The following GRAMD1C variants were observed in gnomAD, a reference collection of about 807,000 sequenced individuals.
The protein encoded by GRAMD1C is GRAM domain containing 1C, also known as protein Aster-C.
In GRAMD1C, 89 loss-of-function variants were observed where a neutral mutation model predicts 97.8. That is an observed-to-expected ratio of 0.91 (90% confidence interval 0.77 to 1.09). The LOEUF (loss-of-function observed/expected upper bound fraction) is 1.09, where lower values mean the gene tolerates loss of function less well. GRAMD1C is among the 50% of genes least tolerant of loss of function. GRAMD1C has a pLI of 0.00. For missense variants in GRAMD1C, 740 were observed against 766.4 expected, an observed-to-expected ratio of 0.97 and a Z score of 0.41; for synonymous variants, 256 against 267.0, an observed-to-expected ratio of 0.96 and a Z score of 0.40.
intron 3 of GRAMD1C, among the ~76,000 whole-genome samples, chr3:113,870,974 G>GAC (rs550859238): frequency 0.033 from 2,509 of 76,118 alleles, 34 homozygotes; most frequent in African/African-American, 0.035. Context: ...ATAAATAAAA[G>GAC]ACACACACAC....
chr3:113,907,537 G>A (rs994468636), intron 8 of GRAMD1C, among the ~76,000 whole-genome samples: 12 of 152,006 alleles, frequency 7.9e-5, no homozygotes, highest in African/African-American at 2.7e-4. Context: ...GCATTCAAGA[G>A]CCATATGATG....
chr3:113,854,005 G>A lies in GRAMD1C; in HGVS notation c.174+9356G>A, dbSNP rs148558656. ...AATAGCCTGCTGAAGGGATTGATGT[G>A]GTGAGTGAGGGAACAAGAAAGATCA... On this transcript the variant is annotated intron_variant, in intron 2 of 17. Coordinates refer to ENST00000358160, the MANE Select transcript of GRAMD1C (RefSeq NM_017577.5). Among the ~76,000 whole-genome samples the A allele has an allele frequency of 1.1e-3, 161 of 152,226 alleles. 2 individuals are homozygous for A. Among genetic ancestry groups the A allele is most frequent in the African/African-American group, 3.7e-3 (155 of 41,522 alleles).
chr3:113,878,397 C>T (rs1935130599), intron 5 of GRAMD1C, among the ~76,000 whole-genome samples: 1 of 152,030 alleles, frequency 6.6e-6, no homozygotes, highest in Non-Finnish European at 1.5e-5. Flanking sequence ...GTCCTAGTTT[C>T]TTTTAGGGGA....
chr3:113,927,409 C>T (rs776147097), intron 10 of GRAMD1C, among the ~76,000 whole-genome samples: 1 of 152,104 alleles, frequency 6.6e-6, no homozygotes, highest in Non-Finnish European at 1.5e-5. Context: ...ATATGCTTGC[C>T]AGGTCAACCC....
intron 13 of GRAMD1C, among the ~76,000 whole-genome samples, chr3:113,935,339 C>T (rs1401871545): frequency 6.6e-6 from 1 of 152,022 alleles, no homozygotes; most frequent in Non-Finnish European, 1.5e-5. Context: ...CCTTCCTTGT[C>T]AGATGCAGCT....
At chr3:113,855,832 G>C (rs1279895671) in intron 2 of GRAMD1C, among the ~76,000 whole-genome samples, 1 of 152,054 alleles carries the variant, frequency 6.6e-6, no homozygotes, top group Non-Finnish European at 1.5e-5. Context: ...AAAATGGTGT[G>C]GTGTATTGAC....
intron 2 of GRAMD1C, 73 bp downstream of exon 2, chr3:113,844,722 G>A: frequency 9.4e-7 from 1 of 1,064,064 alleles, no homozygotes; most frequent in South Asian, 1.6e-5. Context: ...GAGTCATATA[G>A]TATTTGTAAA....
At chr3:113,901,417 A>T (rs528530217) in intron 7 of GRAMD1C, among the ~76,000 whole-genome samples, 2 of 152,318 alleles carry the variant, frequency 1.3e-5, no homozygotes, top group Admixed American at 1.3e-4. Flanking sequence ...AAGGATCTGG[A>T]GAAGTACCTA....
Position 113,933,029 on chromosome 3 carries a change from CAT to C in GRAMD1C, c.1210-481_1210-480del, listed in dbSNP as rs1385489854. Among the ~76,000 whole-genome samples the C allele has an allele frequency of 1.1e-4, 17 of 152,048 alleles. 1 individual carries two copies. Among genetic ancestry groups the C allele is most frequent in the Admixed American group, 1.1e-3 (17 of 15,258 alleles). Reference sequence around the variant, plus strand: ...CCCACCGAGTAGCTGGGATTACAGGCATGTGCCGCCACTCCTGGCTAATTTTT... The same window carrying C: ...CCCACCGAGTAGCTGGGATTACAGGCGTGCCGCCACTCCTGGCTAATTTTT... On this transcript the variant is annotated intron_variant, in intron 11 of 17. Transcript: ENST00000358160.
intron 2 of GRAMD1C, among the ~76,000 whole-genome samples, chr3:113,852,081 T>C (rs1178942746): frequency 6.6e-6 from 1 of 152,082 alleles, no homozygotes; most frequent in Non-Finnish European, 1.5e-5. Context: ...TATTAACAGG[T>C]AAATTTTTCT....
In GRAMD1C at chr3:113,937,612, T is replaced by TA. The variant is rs1380761117; in HGVS notation, c.1634-467dup. Among the ~76,000 whole-genome samples the TA allele has an allele frequency of 2.0e-5, 3 of 152,004 alleles. No homozygotes were observed. In the East Asian group the frequency reaches 5.8e-4, roughly 29 times the overall value. Reference sequence around the variant, plus strand: ...TTCATATTACTCAGGATGTCAGAAATAAAAAAAGGGGTGCAGGGAATTTAC... The same window carrying TA: ...TTCATATTACTCAGGATGTCAGAAATAAAAAAAAGGGGTGCAGGGAATTTAC... On this transcript the variant is annotated intron_variant, in intron 14 of 17. Coordinates refer to ENST00000358160, the MANE Select transcript of GRAMD1C (RefSeq NM_017577.5).
upstream of GRAMD1C, among the ~76,000 whole-genome samples, chr3:113,834,771 TAA>T (rs776577187): frequency 8.4e-4 from 101 of 119,860 alleles, no homozygotes; most frequent in East Asian, 0.015. Flanking sequence ...CTGTCTCTAC[TAA>T]AAAAAAAAAA....
chr3:113,831,210 G>C (rs1450414061), intron 1 of GRAMD1C, among the ~76,000 whole-genome samples: 1 of 152,160 alleles, frequency 6.6e-6, no homozygotes, highest in Non-Finnish European at 1.5e-5. Flanking sequence ...AAATGTTTCT[G>C]GTTCAGGATC....
intron 13 of GRAMD1C, among the ~76,000 whole-genome samples, chr3:113,935,278 A>G (rs1402956845): frequency 6.6e-6 from 1 of 152,092 alleles, no homozygotes; most frequent in Non-Finnish European, 1.5e-5. Flanking sequence ...GCATAAACTG[A>G]TCATAGATAT....
chr3:113,916,078 T>C (rs1251141165), intron 10 of GRAMD1C, among the ~76,000 whole-genome samples: 6 of 152,216 alleles, frequency 3.9e-5, no homozygotes, highest in South Asian at 2.1e-4. Flanking sequence ...AAACTAAAAG[T>C]ATATTTATTC....
intron 2 of GRAMD1C, 117 bp downstream of exon 2, chr3:113,844,766 C>CAAACAAACAAACAAA: frequency 2.9e-6 from 2 of 684,820 alleles, no homozygotes; most frequent in East Asian, 5.7e-5. Context: ...TTAGATGTTT[C>CAAACAAACAAACAAA]AATTTTAGTC....
At chr3:113,912,244 T>C (rs373385573) in intron 9 of GRAMD1C, among the ~76,000 whole-genome samples, 307 of 152,332 alleles carry the variant, frequency 2.0e-3, no homozygotes, top group African/African-American at 7.1e-3. Context: ...ACATCTCCAC[T>C]GCATTATATA....
At chr3:113,858,571 G>A (rs1217385424) in intron 2 of GRAMD1C, among the ~76,000 whole-genome samples, 10 of 151,656 alleles carry the variant, frequency 6.6e-5, no homozygotes, top group African/African-American at 2.4e-4. Flanking sequence ...ATTTTTTTGT[G>A]TTTTAGTAGA....
At chr3:113,935,537 C>CGT (rs1047908957) in intron 13 of GRAMD1C, among the ~76,000 whole-genome samples, 1 of 150,536 alleles carries the variant, frequency 6.6e-6, no homozygotes, top group African/African-American at 2.5e-5. Flanking sequence ...TGTATATATA[C>CGT]GTGTGTGTAT....
Sources: allele counts gnomAD v4.1 joint callset (sites outside exome capture counted in the v4.1 genomes callset), GRCh38; gene constraint gnomAD v4.1.1; transcripts MANE v1.5; gene names NCBI Gene and HGNC (gene_info 2026-07-23, HGNC 2026-07-21).